Variants in PLCL1 observed in about 807,000 individuals in gnomAD.
The protein encoded by PLCL1 is phospholipase C like 1 (inactive).
PLCL1 carries 41 observed loss-of-function variants against 84.4 expected under a neutral mutation model. The observed-to-expected ratio is 0.49, with a 90% confidence interval of 0.38 to 0.63. The LOEUF is 0.63. Ranked by LOEUF, PLCL1 falls within the 30% of genes least tolerant of loss-of-function variation. PLCL1 has a pLI of 0.00. For synonymous variants in PLCL1, 490 were observed against 488.3 expected, an observed-to-expected ratio of 1.00 and a Z score of -0.05; for missense variants, 1,206 against 1,367.8, an observed-to-expected ratio of 0.88 and a Z score of 1.87.
chr2:198,106,613 G>C (rs559367294), intron 5 of PLCL1, among the ~76,000 whole-genome samples: 1 of 151,882 alleles, frequency 6.6e-6, no homozygotes, highest in Non-Finnish European at 1.5e-5. Flanking sequence ...TCACAGAAAG[G>C]TGCTAGGGAT....
At chr2:197,847,221 C>T (rs891644511) in intron 1 of PLCL1, among the ~76,000 whole-genome samples, 8 of 152,184 alleles carry the variant, frequency 5.3e-5, no homozygotes, top group African/African-American at 1.2e-4. Flanking sequence ...ATTATTAAAC[C>T]TATGCAACCT....
intron 1 of PLCL1, among the ~76,000 whole-genome samples, chr2:197,989,242 T>C (rs578260158): frequency 2.0e-5 from 3 of 152,300 alleles, no homozygotes; most frequent in East Asian, 3.9e-4. Context: ...ATACTGAGCA[T>C]TGGGGAAACG....
chr2:198,085,770 T>C lies in PLCL1; in HGVS notation c.2253T>C (p.Cys751=), dbSNP rs763073300. The C allele has an allele frequency of 3.5e-5, 57 of 1,613,564 alleles. No individual in the cohort carries two copies. Among genetic ancestry groups the C allele is most frequent in the Non-Finnish European group, 4.7e-5 (56 of 1,179,570 alleles). The stretch of plus-strand genomic sequence containing the variant: ...GGGATGTCATAGATCCCTATGTTTG[T>C]ATAGAGATACACGGAATTCCAGCGG... The part of the protein sequence containing the change: ...AKGDVIDPYV[C]IEIHGIPADC... The change falls in exon 2 of 6, where the codon TGT becomes TGC. Residue 751 remains cysteine (C), a synonymous_variant. Transcript: ENST00000428675. This position sits in a 1 kb window ranked among gnomAD's most constrained non-coding sequence, Gnocchi z 5.3.
intron 1 of PLCL1, among the ~76,000 whole-genome samples, chr2:197,938,616 A>G (rs547746213): frequency 6.6e-6 from 1 of 152,242 alleles, no homozygotes; most frequent in East Asian, 1.9e-4. Flanking sequence ...ATCTCCTACC[A>G]GCAGTTGGTG....
chr2:198,011,522 T>C (rs1014608495), intron 1 of PLCL1, among the ~76,000 whole-genome samples: 2 of 152,116 alleles, frequency 1.3e-5, no homozygotes, highest in Non-Finnish European at 2.9e-5. Flanking sequence ...ATTTATTTTG[T>C]GGCCTAACAT....
rs1285980585 is a variant in PLCL1 at position 198,089,058 on chromosome 2, T to A, written c.2916T>A (p.Asp972Glu). 1 of 1,612,496 alleles carries A rather than the reference T, an allele frequency of 6.2e-7. No homozygotes were observed. The highest frequency in any genetic ancestry group is 1.7e-4 in the Middle Eastern group (1 of 6,052). The part of the protein sequence containing the change: ...DVQKKMLTAY[D>E]LMIQESRFLI... ...AGAAAAAGATGCTGACTGCTTATGATCTGGTAGGAAATTGCGACTCCATAT... is the reference window on the plus strand; with the variant it reads ...AGAAAAAGATGCTGACTGCTTATGAACTGGTAGGAAATTGCGACTCCATAT... The change falls in exon 3 of 6, where the codon GAT becomes GAA. Residue 972 changes from aspartate to glutamate, a missense_variant. Coordinates refer to ENST00000428675, the MANE Select transcript of PLCL1 (RefSeq NM_006226.4).
At chr2:198,002,009 G>A (rs935876842) in intron 1 of PLCL1, 8 of 434,760 alleles carry the variant, frequency 1.8e-5, no homozygotes, top group Middle Eastern at 7.5e-4. Flanking sequence ...CTTCATTATG[G>A]TGAGTTGTAT....
At chr2:197,992,630 C>T (rs1440311758) in intron 1 of PLCL1, among the ~76,000 whole-genome samples, 1 of 152,114 alleles carries the variant, frequency 6.6e-6, no homozygotes, top group Non-Finnish European at 1.5e-5. Flanking sequence ...GCAACCATCA[C>T]ACCACACATC....
At chr2:197,998,077 A>G (rs73989717) in intron 1 of PLCL1, among the ~76,000 whole-genome samples, 6,125 of 152,038 alleles carry the variant, frequency 0.04, 325 homozygotes, top group African/African-American at 0.12. Context: ...GGAGAGTGAT[A>G]TGGAGCGAGA....
At chr2:197,983,022 A>G (rs1300362506) in intron 1 of PLCL1, among the ~76,000 whole-genome samples, 4 of 151,924 alleles carry the variant, frequency 2.6e-5, no homozygotes, top group East Asian at 1.9e-4. Context: ...ATTTTGATAG[A>G]TTTTAGTTCA....
chr2:197,930,116 A>C (rs1320489432), intron 1 of PLCL1, among the ~76,000 whole-genome samples: 1 of 152,164 alleles, frequency 6.6e-6, no homozygotes, highest in African/African-American at 2.4e-5. Flanking sequence ...TGCTCTATAT[A>C]AATATTAACA....
At chr2:197,902,881 A>C (rs1396140953) in intron 1 of PLCL1, among the ~76,000 whole-genome samples, 1 of 152,204 alleles carries the variant, frequency 6.6e-6, no homozygotes, top group African/African-American at 2.4e-5. Context: ...TCAGAGACAG[A>C]TCTCAGCATC....
intron 1 of PLCL1, among the ~76,000 whole-genome samples, chr2:197,981,516 C>T (rs369250169): frequency 6.6e-6 from 1 of 152,260 alleles, no homozygotes; most frequent in East Asian, 1.9e-4. Flanking sequence ...GCATGTAAAT[C>T]ATATTGACAC....
At chr2:198,130,453 A>G (rs1694093355) in intron 5 of PLCL1, among the ~76,000 whole-genome samples, 1 of 152,068 alleles carries the variant, frequency 6.6e-6, no homozygotes, top group South Asian at 2.1e-4. Context: ...TCAAATCTCA[A>G]GTGTGTATTT....
chr2:198,071,212 C>T (rs994908418), intron 1 of PLCL1, among the ~76,000 whole-genome samples: 5 of 151,430 alleles, frequency 3.3e-5, no homozygotes, highest in Non-Finnish European at 7.4e-5. Flanking sequence ...TGTAATGTAC[C>T]ATAATTTATT....
At chr2:198,061,826 C>T (rs1225106289) in intron 1 of PLCL1, among the ~76,000 whole-genome samples, 2 of 152,158 alleles carry the variant, frequency 1.3e-5, no homozygotes, top group Non-Finnish European at 2.9e-5. Flanking sequence ...GTCTCGAACT[C>T]CTGACCTCAT....
intron 5 of PLCL1, among the ~76,000 whole-genome samples, chr2:198,141,933 C>CT (rs1694397069): frequency 6.6e-6 from 1 of 152,162 alleles, no homozygotes; most frequent in South Asian, 2.1e-4. Flanking sequence ...CAATTAGCTG[C>CT]TTTAAATATT....
chr2:197,859,109 G>A (rs700688), intron 1 of PLCL1, among the ~76,000 whole-genome samples: 108,205 of 152,070 alleles, frequency 0.71, 39,222 homozygotes, highest in Middle Eastern at 0.85. Flanking sequence ...TTAAGGAGTC[G>A]AAAAGTAGAT....
At chr2:198,027,793 G>A (rs955449296) in intron 1 of PLCL1, among the ~76,000 whole-genome samples, 17 of 152,012 alleles carry the variant, frequency 1.1e-4, no homozygotes, top group Non-Finnish European at 2.9e-5. Flanking sequence ...GAAAGCTGGG[G>A]AAAGGGTAAT....
Sources: allele counts gnomAD v4.1 joint callset (sites outside exome capture counted in the v4.1 genomes callset), GRCh38; gene constraint gnomAD v4.1.1; non-coding constraint Gnocchi (gnomAD v3.1); transcripts MANE v1.5; gene names NCBI Gene and HGNC (gene_info 2026-07-23, HGNC 2026-07-21).